The following SMYD3 variants were observed in gnomAD, a reference collection of about 807,000 sequenced individuals.
The protein encoded by SMYD3 is SET and MYND domain containing 3, also known as histone-lysine N-methyltransferase SMYD3.
Under a neutral mutation model 57.7 loss-of-function variants are expected in SMYD3, and 36 were observed. That is an observed-to-expected ratio of 0.62 (90% CI 0.48 to 0.82). The LOEUF is 0.82. Ranked by LOEUF, SMYD3 falls within the 40% of genes least tolerant of loss-of-function variation. SMYD3 has a pLI of 0.00. For missense variants in SMYD3, 515 were observed against 538.8 expected (o/e 0.96, Z 0.44); for synonymous variants, 211 against 195.0 (o/e 1.08, Z -0.68).
chr1:245,995,929 T>C (rs2148130528), intron 5 of SMYD3, among the ~76,000 whole-genome samples: 1 of 152,310 alleles, frequency 6.6e-6, no homozygotes, highest in South Asian at 2.1e-4. Context: ...GATGAAGTTT[T>C]CCACCACACC....
chr1:246,309,985 TC>T lies in SMYD3; in HGVS notation c.531+17215del, dbSNP rs537612851. Among the ~76,000 whole-genome samples, 480 of 148,082 alleles carry T rather than the reference TC, an allele frequency of 3.2e-3. 3 individuals are homozygous for T. The highest frequency in any genetic ancestry group is 0.011 in the African/African-American group (447 of 40,652). On this transcript the variant is annotated intron_variant, in intron 5 of 11. Transcript: ENST00000490107. Reference sequence around the variant, plus strand: ...GCAATGAGCTTGCCAAAATAAATCTTCTTCCACAAAAAGGTTCATAATAGAA... The same window carrying T: ...GCAATGAGCTTGCCAAAATAAATCTTTTCCACAAAAAGGTTCATAATAGAA...
intron 1 of SMYD3, among the ~76,000 whole-genome samples, chr1:246,382,061 C>G (rs1364700588): frequency 6.6e-6 from 1 of 151,084 alleles, no homozygotes; most frequent in African/African-American, 2.4e-5. Context: ...GCCTCCAGGC[C>G]AACCGTGGGC....
intron 1 of SMYD3, among the ~76,000 whole-genome samples, chr1:246,413,996 G>C (rs1360967316): frequency 1.3e-5 from 2 of 152,194 alleles, no homozygotes; most frequent in Non-Finnish European, 2.9e-5. Context: ...ATGTAATATT[G>C]AATATGAAGT....
At chr1:245,751,731 C>A (rs538924258) in intron 11 of SMYD3, among the ~76,000 whole-genome samples, 1 of 152,318 alleles carries the variant, frequency 6.6e-6, no homozygotes. Flanking sequence ...TGGCCCCTCA[C>A]CCTGTGACAC....
intron 1 of SMYD3, among the ~76,000 whole-genome samples, chr1:246,472,309 G>A (rs565837971): frequency 2.0e-5 from 3 of 152,278 alleles, no homozygotes; most frequent in African/African-American, 7.2e-5. Flanking sequence ...AATTTAATGA[G>A]TGGAATATGC....
chr1:246,227,095 TTAACCAAGTCCAACGTCCC>T (rs2148438118), intron 5 of SMYD3, among the ~76,000 whole-genome samples: 4 of 152,336 alleles, frequency 2.6e-5, no homozygotes, highest in South Asian at 2.1e-4. Context: ...ATGAAGAATA[TTAACCAAGTCCAACGTCCC>T]ATATACTTTG....
chr1:246,478,000 T>C (rs935689434), intron 1 of SMYD3, among the ~76,000 whole-genome samples: 30 of 152,186 alleles, frequency 2.0e-4, no homozygotes, highest in Admixed American at 3.3e-4. Context: ...TTAATACATA[T>C]GTAGATAAGG....
At chr1:246,067,119 T>C (rs1264749882) in intron 5 of SMYD3, among the ~76,000 whole-genome samples, 1 of 152,184 alleles carries the variant, frequency 6.6e-6, no homozygotes, top group Non-Finnish European at 1.5e-5. Context: ...TTAATAAAGA[T>C]AGAGCTAAAA....
chr1:246,483,777 T>C (rs963830258), intron 1 of SMYD3: 3 of 152,242 alleles, frequency 2.0e-5, no homozygotes, highest in African/African-American at 7.2e-5. Flanking sequence ...TCATCCTCTC[T>C]GCTTTTTGGG....
At chr1:245,774,907 T>C (rs1231629048) in intron 10 of SMYD3, among the ~76,000 whole-genome samples, 2 of 152,182 alleles carry the variant, frequency 1.3e-5, no homozygotes, top group African/African-American at 4.8e-5. Flanking sequence ...TTCACTGTGT[T>C]GGCCGGGCTG....
At chr1:245,980,977 A>T (rs761032513) in intron 5 of SMYD3, among the ~76,000 whole-genome samples, 1 of 152,216 alleles carries the variant, frequency 6.6e-6, no homozygotes, top group Non-Finnish European at 1.5e-5. Context: ...CAGTTCTAAG[A>T]AAGACGGTAT....
At chr1:246,411,881 C>G (rs907008294) in intron 1 of SMYD3, among the ~76,000 whole-genome samples, 1 of 148,138 alleles carries the variant, frequency 6.8e-6, no homozygotes, top group Non-Finnish European at 1.5e-5. Context: ...TGCTAAATGA[C>G]GAGTTAATGG....
chr1:245,861,935 G>A (rs189897123), intron 9 of SMYD3, among the ~76,000 whole-genome samples: 1 of 152,278 alleles, frequency 6.6e-6, no homozygotes, highest in East Asian at 1.9e-4. Flanking sequence ...CACACAGTCC[G>A]TTTTCAGTAA....
At chr1:246,471,498 CA>C (rs2103049144) in intron 1 of SMYD3, among the ~76,000 whole-genome samples, 1 of 152,224 alleles carries the variant, frequency 6.6e-6, no homozygotes, top group South Asian at 2.1e-4. Context: ...TGCCTGGCCC[CA>C]TATTTTAAAA....
intron 1 of SMYD3, among the ~76,000 whole-genome samples, chr1:246,374,034 C>T (rs1291119253): frequency 6.6e-6 from 1 of 152,110 alleles, no homozygotes; most frequent in Non-Finnish European, 1.5e-5. Flanking sequence ...CCAAAAACCA[C>T]CCCACTCTTT....
chr1:246,401,454 C>T (rs549690415), intron 1 of SMYD3, among the ~76,000 whole-genome samples: 1 of 152,246 alleles, frequency 6.6e-6, no homozygotes, highest in African/African-American at 2.4e-5. Context: ...CTGCCTCAGC[C>T]TACCAAGTAG....
At chr1:246,309,227 G>A (rs1165307769) in intron 5 of SMYD3, among the ~76,000 whole-genome samples, 1 of 152,024 alleles carries the variant, frequency 6.6e-6, no homozygotes, top group East Asian at 1.9e-4. Flanking sequence ...TCACAGACTA[G>A]GCTACAATTC....
At chr1:246,350,299 T>C (rs2065802680) in intron 2 of SMYD3, among the ~76,000 whole-genome samples, 1 of 152,242 alleles carries the variant, frequency 6.6e-6, no homozygotes, top group African/African-American at 2.4e-5. Context: ...ATTTACTTGC[T>C]CACTGCCTAT....
intron 5 of SMYD3, among the ~76,000 whole-genome samples, chr1:246,257,036 ATTTAGAT>A (rs1167767477): frequency 6.6e-6 from 1 of 152,088 alleles, no homozygotes; most frequent in African/African-American, 2.4e-5. Flanking sequence ...GGTTGCTATG[ATTTAGAT>A]TTTTTCAAAT....
Sources: allele counts gnomAD v4.1 joint callset (sites outside exome capture counted in the v4.1 genomes callset), GRCh38; gene constraint gnomAD v4.1.1; transcripts MANE v1.5; gene names NCBI Gene and HGNC (gene_info 2026-07-23, HGNC 2026-07-21).